SYT9: variants seen among roughly 807,000 people sequenced by gnomAD.
SYT9 encodes the protein synaptotagmin 9, also known as synaptotagmin-9.
Under a neutral mutation model 48.4 loss-of-function variants are expected in SYT9, and 22 were observed. The ratio of observed to expected loss-of-function variants is 0.45; its 90% CI spans 0.32 to 0.65. The LOEUF is 0.65. Among genes scored for constraint, SYT9 ranks in the 30% least tolerant of loss-of-function variants. The pLI is 0.03. For missense variants in SYT9, 577 were observed against 622.0 expected (o/e 0.93, Z 0.77); for synonymous variants, 265 against 245.0 (o/e 1.08, Z -0.76).
At chr11:7,334,347 G>C (rs74471865) in intron 3 of SYT9, among the ~76,000 whole-genome samples, 1 of 152,048 alleles carries the variant, frequency 6.6e-6, no homozygotes, top group African/African-American at 2.4e-5. Flanking sequence ...GCTGCAGTGA[G>C]GAATGGACAG....
Position 7,239,897 on chromosome 11 carries a change from G to T in SYT9, c.49+981G>T, listed in dbSNP as rs1352112225. 4.6e-5 allele frequency among the ~76,000 whole-genome samples: 7 copies of T among 152,156 alleles called. No homozygotes were observed. In the South Asian group the frequency reaches 1.2e-3, roughly 27 times the overall value. On this transcript the variant is annotated intron_variant and NMD_transcript_variant, in intron 1 of 8. Coordinates refer to the SYT9 transcript ENST00000524820. ...GAGATGAAGGTGAAGTTACACATTT[G>T]AATAGTTGCACATAGACAGATTAAT...
intron 3 of SYT9, among the ~76,000 whole-genome samples, chr11:7,367,098 T>TTTTCC (rs71056800): frequency 2.7e-5 from 3 of 112,992 alleles, no homozygotes; most frequent in African/African-American, 9.5e-5. Context: ...TTTTTTTTTT[T>TTTTCC]CGAGACGGAG....
rs1332594523 is a variant in SYT9 at position 7,467,555 on chromosome 11, G to A, written c.*755G>A. 3 of 152,198 alleles carry A rather than the reference G, an allele frequency of 2.0e-5. No homozygotes were observed. The highest frequency in any genetic ancestry group is 4.4e-5 in the Non-Finnish European group (3 of 68,050). 9.4% of individuals were successfully genotyped at this position (152,198 alleles called of 1,614,324 possible). On this transcript the variant is annotated 3_prime_UTR_variant, in exon 7 of 7. Coordinates refer to ENST00000318881, the MANE Select transcript of SYT9 (RefSeq NM_175733.4). ...AGCAGCCCCTTCCTTTCAACTGGGA[G>A]TGTTATTAGAATGAAAAGTAATTAG...
intron 6 of SYT9, among the ~76,000 whole-genome samples, chr11:7,465,091 A>T (rs185429633): frequency 6.6e-6 from 1 of 151,942 alleles, no homozygotes; most frequent in Admixed American, 6.5e-5. Flanking sequence ...CATCTCAAAA[A>T]AAACGAAAGT....
chr11:7,270,029 A>G (rs1373750080), intron 1 of SYT9, among the ~76,000 whole-genome samples: 3 of 152,174 alleles, frequency 2.0e-5, no homozygotes, highest in Non-Finnish European at 2.9e-5. Flanking sequence ...CAAAATAATA[A>G]CAATGAATGA....
intron 3 of SYT9, among the ~76,000 whole-genome samples, chr11:7,402,264 A>T (rs1181676466): frequency 3.3e-5 from 5 of 152,074 alleles, no homozygotes; most frequent in Non-Finnish European, 7.4e-5. Flanking sequence ...GTGGATGTTC[A>T]GTATACACTT....
intron 3 of SYT9, among the ~76,000 whole-genome samples, chr11:7,394,155 C>A (rs1265533469): frequency 6.7e-6 from 1 of 149,960 alleles, no homozygotes; most frequent in African/African-American, 2.5e-5. Flanking sequence ...TGTTCCCCTT[C>A]CTGTGTCCAT....
At chr11:7,403,033 T>A (rs1846927457) in intron 3 of SYT9, among the ~76,000 whole-genome samples, 1 of 152,172 alleles carries the variant, frequency 6.6e-6, no homozygotes, top group African/African-American at 2.4e-5. Flanking sequence ...TTATTTCCTT[T>A]CTTCTGCTTA....
At chr11:7,325,474 C>A (rs1849415612) in intron 3 of SYT9, among the ~76,000 whole-genome samples, 1 of 111,074 alleles carries the variant, frequency 9.0e-6, no homozygotes, top group Non-Finnish European at 1.8e-5. Flanking sequence ...TATCCTGAGA[C>A]TTTGCTGAAG....
intron 6 of SYT9, among the ~76,000 whole-genome samples, chr11:7,437,293 G>C (rs1218401937): frequency 6.6e-6 from 1 of 152,216 alleles, no homozygotes; most frequent in East Asian, 1.9e-4. Context: ...AGGGAGCAGT[G>C]TGCCACAAAT....
chr11:7,417,074 G>A (rs1847264975), intron 4 of SYT9, among the ~76,000 whole-genome samples: 1 of 151,956 alleles, frequency 6.6e-6, no homozygotes, highest in African/African-American at 2.4e-5. Flanking sequence ...TCCCAAATGT[G>A]GTCACAAAAC....
At chr11:7,444,977 G>A (rs1847900859) in intron 6 of SYT9, among the ~76,000 whole-genome samples, 1 of 152,156 alleles carries the variant, frequency 6.6e-6, no homozygotes, top group South Asian at 2.1e-4. Flanking sequence ...TTTCACTTTG[G>A]GAACCCAGGA....
At chr11:7,347,074 G>T (rs946792808) in intron 3 of SYT9, among the ~76,000 whole-genome samples, 2 of 152,168 alleles carry the variant, frequency 1.3e-5, no homozygotes, top group Admixed American at 6.5e-5. Context: ...TTCCCTGCTA[G>T]CCAGGCATCC....
At chr11:7,342,498 A>G (rs912558254) in intron 3 of SYT9, among the ~76,000 whole-genome samples, 2 of 152,090 alleles carry the variant, frequency 1.3e-5, no homozygotes, top group Non-Finnish European at 2.9e-5. Context: ...ATCCTGTCTC[A>G]TATCCATGTC....
At chr11:7,397,126 T>C (rs1031352919) in intron 3 of SYT9, among the ~76,000 whole-genome samples, 1 of 152,174 alleles carries the variant, frequency 6.6e-6, no homozygotes, top group Non-Finnish European at 1.5e-5. Context: ...ATTCATAGTT[T>C]TACTTTTTAC....
At chr11:7,369,245 C>T (rs112494019) in intron 3 of SYT9, among the ~76,000 whole-genome samples, 1 of 39,822 alleles carries the variant, frequency 2.5e-5, no homozygotes, top group African/African-American at 8.2e-5. Flanking sequence ...AGCTTTTTTT[C>T]CACATTTATT....
intron 1 of SYT9, among the ~76,000 whole-genome samples, chr11:7,292,116 C>G (rs1364406263): frequency 6.6e-6 from 1 of 152,206 alleles, no homozygotes; most frequent in South Asian, 2.1e-4. Flanking sequence ...TGGGAAGAAA[C>G]TTTCCCACAT....
intron 3 of SYT9, among the ~76,000 whole-genome samples, chr11:7,397,653 A>T: frequency 6.6e-6 from 1 of 152,244 alleles, no homozygotes; most frequent in South Asian, 2.1e-4. Context: ...ATCCATGAGC[A>T]TGGAAACTCT....
At chr11:7,368,566 C>A (rs1850294402) in intron 3 of SYT9, among the ~76,000 whole-genome samples, 1 of 152,084 alleles carries the variant, frequency 6.6e-6, no homozygotes, top group East Asian at 1.9e-4. Context: ...CTCCCTGTGT[C>A]CATGTGTTCT....
Sources: gnomAD v4.1 joint callset for allele counts (sites outside exome capture counted in the v4.1 genomes callset) on GRCh38, gnomAD v4.1.1 for gene constraint, MANE v1.5 for transcripts, NCBI Gene and HGNC (gene_info 2026-07-23, HGNC 2026-07-21) for gene names.